The following SLCO1C1 variants were observed in gnomAD, a reference collection of about 807,000 sequenced individuals.
SLCO1C1 encodes solute carrier organic anion transporter family member 1C1, also known as OAT-RP-5.
SLCO1C1 carries 70 observed loss-of-function variants against 76.4 expected under a neutral mutation model. That is an observed-to-expected ratio of 0.92 (90% CI 0.76 to 1.12). The LOEUF is 1.12. SLCO1C1 is among the 50% of genes most tolerant of loss of function. The pLI is 0.00. For synonymous variants in SLCO1C1, 306 were observed against 286.1 expected, an observed-to-expected ratio of 1.07 and a Z score of -0.70; for missense variants, 912 against 823.8, an observed-to-expected ratio of 1.11 and a Z score of -1.31.
At chr12:20,746,216 G>T (rs552145215) in intron 13 of SLCO1C1, among the ~76,000 whole-genome samples, 1 of 152,194 alleles carries the variant, frequency 6.6e-6, no homozygotes, top group South Asian at 2.1e-4. Context: ...CAAAATAGTA[G>T]CAACCGTAGT....
At chr12:20,746,588 C>T (rs766941715) in intron 13 of SLCO1C1, among the ~76,000 whole-genome samples, 3 of 152,240 alleles carry the variant, frequency 2.0e-5, no homozygotes, top group Middle Eastern at 3.4e-3. Flanking sequence ...GAACTTCACA[C>T]GCATCTTAGC....
intron 7 of SLCO1C1, among the ~76,000 whole-genome samples, chr12:20,717,730 C>A (rs139014104): frequency 2.4e-5 from 3 of 123,448 alleles, no homozygotes; most frequent in East Asian, 5.5e-4. Flanking sequence ...CATGTTACAG[C>A]ACATTATCGA....
chr12:20,701,309 A>G lies in SLCO1C1; in HGVS notation c.130-9A>G. On this transcript the variant is annotated splice_polypyrimidine_tract_variant and intron_variant, in intron 2 of 14. Coordinates refer to ENST00000266509, the MANE Select transcript of SLCO1C1 (RefSeq NM_017435.5). The stretch of plus-strand genomic sequence containing the variant: ...AGTCAGACTAAGTGTGACCTGTCAT[A>G]TTTTCCAGGTGTTCTTGTGTGCCTT... 6.7e-7 allele frequency: 1 copy of G among 1,489,442 alleles called. No individual in the cohort carries two copies. The highest frequency in any genetic ancestry group is 1.8e-4 in the Middle Eastern group (1 of 5,484). The allele number at this position is 1,489,442 out of a possible 1,614,324, so 92.3% of individuals were successfully genotyped here.
chr12:20,746,966 ATATG>A (rs1949076225), intron 13 of SLCO1C1, among the ~76,000 whole-genome samples: 1 of 152,080 alleles, frequency 6.6e-6, no homozygotes, highest in South Asian at 2.1e-4. Context: ...AAAAACTTGA[ATATG>A]TACTACATTT....
intron 3 of SLCO1C1, 113 bp downstream of exon 3, chr12:20,701,572 C>CTTTTTT (rs34463708): frequency 7.8e-6 from 4 of 515,320 alleles, no homozygotes; most frequent in African/African-American, 2.2e-5. Context: ...TTCATAAAAT[C>CTTTTTT]TTTTTTTTTT....
rs766783034 is a variant in SLCO1C1 at position 20,740,212 on chromosome 12, T to A, written c.1577T>A (p.Ile526Asn). 1.9e-6 allele frequency: 3 copies of A among 1,612,922 alleles called. No individual in the cohort carries two copies. The African/African-American group carries it at 4.0e-5, about 22-fold the overall frequency. The change falls in exon 12 of 15, where the codon ATT (isoleucine) becomes AAT (asparagine). Residue 526 changes from isoleucine to asparagine, a missense_variant. Coordinates refer to ENST00000266509, the MANE Select transcript of SLCO1C1 (RefSeq NM_017435.5). ...IIFYNCTCVG[I>N]AASKSGNSSG... ...TTTTACAACTGCACTTGTGTGGGAA[T>A]TGCAGCTTCTAAATCCGGAAATTCC... is the stretch of plus-strand genomic sequence containing the variant.
chr12:20,730,923 G>A (rs1189419690), intron 9 of SLCO1C1, among the ~76,000 whole-genome samples: 2 of 152,180 alleles, frequency 1.3e-5, no homozygotes, highest in African/African-American at 4.8e-5. Flanking sequence ...AGGGGCCCAA[G>A]AGAGTTTGCT....
intron 7 of SLCO1C1, 70 bp from the exon 8 acceptor site, chr12:20,721,728 ATTTATT>A: frequency 6.7e-7 from 1 of 1,486,602 alleles, no homozygotes; most frequent in South Asian, 1.4e-5. Context: ...TTTTGCAAGA[ATTTATT>A]TTTAAGTATA....
intron 7 of SLCO1C1, among the ~76,000 whole-genome samples, chr12:20,719,813 C>T (rs375641194): frequency 2.6e-5 from 4 of 152,104 alleles, no homozygotes; most frequent in East Asian, 3.9e-4. Flanking sequence ...CAGCCAGTGC[C>T]GGTGGAGAAG....
rs761231382 is a variant in SLCO1C1, at chr12:20,733,075, T to C, written c.1353T>C (p.Asp451=). The change falls in exon 10 of 15, where the codon GAT becomes GAC. Residue 451 remains aspartate (D), a synonymous_variant. Transcript: ENST00000266509. ...TTGCACTGGGCTGTGAAAATTCTGATGTGGCAGGACTAACTGTCTCCTACC... is the reference window on the plus strand; with the variant it reads ...TTGCACTGGGCTGTGAAAATTCTGACGTGGCAGGACTAACTGTCTCCTACC... ...SLFALGCENS[D]VAGLTVSYQG... 24 of 1,603,910 alleles carry C rather than the reference T, an allele frequency of 1.5e-5. No individual in the cohort carries two copies. The highest frequency in any genetic ancestry group is 2.0e-5 in the Non-Finnish European group (24 of 1,175,826).
chr12:20,699,476 G>A, intron 1 of SLCO1C1, 76 bp from the exon 2 acceptor site: 2 of 1,198,812 alleles, frequency 1.7e-6, no homozygotes, highest in Non-Finnish European at 2.3e-6. Flanking sequence ...TAGAATTGTG[G>A]TATACTGTTG....
chr12:20,746,144 AT>A (rs1198143907), intron 13 of SLCO1C1, among the ~76,000 whole-genome samples: 2 of 152,182 alleles, frequency 1.3e-5, no homozygotes, highest in African/African-American at 4.8e-5. Context: ...TAAGAAGGCT[AT>A]ATCACAAGGG....
chr12:20,747,693 T>G (rs1053523775), intron 13 of SLCO1C1, among the ~76,000 whole-genome samples: 17 of 152,322 alleles, frequency 1.1e-4, no homozygotes, highest in Middle Eastern at 3.4e-3. Flanking sequence ...ATCATATATT[T>G]GTTTGGTTTT....
intron 3 of SLCO1C1, among the ~76,000 whole-genome samples, chr12:20,703,823 ATCTT>A (rs1946640889): frequency 6.6e-6 from 1 of 151,754 alleles, no homozygotes; most frequent in Non-Finnish European, 1.5e-5. Context: ...TTTTACATCT[ATCTT>A]CATAATCAAG....
chr12:20,720,179 A>G lies in SLCO1C1; in HGVS notation c.776-1625A>G, dbSNP rs117583022. 3.6e-3 allele frequency among the ~76,000 whole-genome samples: 554 copies of G among 152,192 alleles called. 3 individuals carry two copies. Among genetic ancestry groups the G allele is most frequent in the Middle Eastern group, 6.8e-3 (2 of 294 alleles). On this transcript the variant is annotated intron_variant, in intron 7 of 14. Coordinates refer to ENST00000266509, the MANE Select transcript of SLCO1C1 (RefSeq NM_017435.5). ...TACTAACTATTTGAAGCCCACTGTTAGGATCTGCTGCTCAGGAAAAAAAAT... is the reference window on the plus strand; with the variant it reads ...TACTAACTATTTGAAGCCCACTGTTGGGATCTGCTGCTCAGGAAAAAAAAT...
chr12:20,722,911 C>T (rs535545559), intron 8 of SLCO1C1, among the ~76,000 whole-genome samples, 179 bp from the exon 9 acceptor site: 5 of 152,274 alleles, frequency 3.3e-5, no homozygotes, highest in Admixed American at 1.3e-4. Flanking sequence ...CTGGCCAGAT[C>T]GCAGGCTTGA....
chr12:20,727,491 A>G (rs575825830), intron 9 of SLCO1C1, among the ~76,000 whole-genome samples: 109 of 152,062 alleles, frequency 7.2e-4, no homozygotes, highest in Non-Finnish European at 1.4e-3. Context: ...TTAGCTGCTT[A>G]CACGTTTTTT....
At chr12:20,709,409 T>C (rs1479031943) in intron 4 of SLCO1C1, among the ~76,000 whole-genome samples, 1 of 152,162 alleles carries the variant, frequency 6.6e-6, no homozygotes. Flanking sequence ...CAGTAACCTG[T>C]TGACAGAAGG....
At position 20,737,217 on chromosome 12, in the gene SLCO1C1, A is replaced by C. The variant is rs778476781; in HGVS notation, c.1493A>C (p.Tyr498Ser). ...EPMCGENGIT[Y>S]VSACLAGCQT... ...ATGTGCGGTGAAAATGGAATCACAT[A>C]TGTATCAGCTTGTCTTGCTGGTTGT... Residue 498 changes from tyrosine to serine, a missense_variant, in exon 11 of 15, where the codon TAT becomes TCT. Transcript: ENST00000266509. 1 of 1,573,200 alleles carries C rather than the reference A, an allele frequency of 6.4e-7. No individual in the cohort carries two copies. The highest frequency in any genetic ancestry group is 1.2e-5 in the South Asian group (1 of 83,070).
Sources: allele counts gnomAD v4.1 joint callset (sites outside exome capture counted in the v4.1 genomes callset), GRCh38; gene constraint gnomAD v4.1.1; transcripts MANE v1.5; gene names NCBI Gene and HGNC (gene_info 2026-07-23, HGNC 2026-07-21).